The following ARHGAP23 variants were observed in gnomAD, a reference collection of about 807,000 sequenced individuals.
ARHGAP23 encodes Rho GTPase activating protein 23.
ARHGAP23 carries 34 observed loss-of-function variants against 136.3 expected under a neutral mutation model. The ratio of observed to expected loss-of-function variants is 0.25; its 90% CI spans 0.19 to 0.33. ARHGAP23 has a LOEUF of 0.33. Among genes scored for constraint, ARHGAP23 ranks in the 10% least tolerant of loss-of-function variants. The pLI, the probability that ARHGAP23 is intolerant of heterozygous loss-of-function variation, is 1.00. For synonymous variants in ARHGAP23, 832 were observed against 920.5 expected, an observed-to-expected ratio of 0.90 and a Z score of 1.74; for missense variants, 1,808 against 2,139.0, an observed-to-expected ratio of 0.85 and a Z score of 3.05.
In ARHGAP23 at chr17:38,436,106, G is replaced by A. The variant is rs896130896; in HGVS notation, c.63+7558G>A. ...TGCCCCTCCCACACAGCACCTAGAC[G>A]TTTCAAGGAAGGCGAGGGGGACAGC... On this transcript the variant is annotated intron_variant, in intron 1 of 23. Transcript: ENST00000622683. Among the ~76,000 whole-genome samples the A allele has an allele frequency of 3.3e-5, 5 of 152,246 alleles. No individual in the cohort carries two copies. In the South Asian group the frequency reaches 6.2e-4, roughly 19 times the overall value.
intron 1 of ARHGAP23, among the ~76,000 whole-genome samples, chr17:38,438,784 G>A (rs1282700872): frequency 6.6e-6 from 1 of 152,058 alleles, no homozygotes; most frequent in Non-Finnish European, 1.5e-5. Context: ...GGGAGTTTGA[G>A]ACCAGCCTGA....
upstream of ARHGAP23, among the ~76,000 whole-genome samples, chr17:38,424,334 C>T (rs2038549092): frequency 6.6e-6 from 1 of 152,196 alleles, no homozygotes; most frequent in South Asian, 2.1e-4. Context: ...GCCTTGTCCA[C>T]ACCCACCTGT....
At chr17:38,479,307 C>G (rs150676496) in intron 12 of ARHGAP23, 129 bp from the exon 13 acceptor site, 14,110 of 666,552 alleles carry the variant, frequency 0.021, 215 homozygotes, top group Non-Finnish European at 0.03. Flanking sequence ...CAGGCCTGGT[C>G]TTTCTCACTC....
exon 1 of ARHGAP23, chr17:38,419,387 C>G (rs2144451012): frequency 6.6e-6 from 1 of 152,310 alleles, no homozygotes; most frequent in East Asian, 1.9e-4. Flanking sequence ...TAGCAGGGCC[C>G]AGCATGGAGC....
chr17:38,482,827 G>A (rs2040077791), intron 16 of ARHGAP23, 149 bp downstream of exon 16: 1 of 1,041,392 alleles, frequency 9.6e-7, no homozygotes, highest in African/African-American at 1.6e-5. Context: ...TGGGCAAGAT[G>A]GGACCTGCCC....
At chr17:38,493,175 TTCTC>T (rs1001610282) in intron 20 of ARHGAP23, among the ~76,000 whole-genome samples, 4 of 151,252 alleles carry the variant, frequency 2.6e-5, no homozygotes, top group East Asian at 3.9e-4. Flanking sequence ...TTCTTTCTCT[TTCTC>T]TCTCTCTCTT....
upstream of ARHGAP23, among the ~76,000 whole-genome samples, chr17:38,425,998 C>T (rs1358019550): frequency 6.6e-6 from 1 of 152,028 alleles, no homozygotes; most frequent in Non-Finnish European, 1.5e-5. Flanking sequence ...CTCACCCCCT[C>T]CTGCGGGGTC....
intron 1 of ARHGAP23, among the ~76,000 whole-genome samples, chr17:38,434,327 T>A (rs1456276639): frequency 6.6e-6 from 1 of 152,198 alleles, no homozygotes; most frequent in Non-Finnish European, 1.5e-5. Context: ...TTTGGGGGCG[T>A]CCGGGGGTCG....
chr17:38,445,465 C>T (rs961747610), intron 1 of ARHGAP23, among the ~76,000 whole-genome samples: 2 of 151,772 alleles, frequency 1.3e-5, no homozygotes, highest in Non-Finnish European at 2.9e-5. Flanking sequence ...GCCTGAGCAA[C>T]AAGAGCGAAA....
At chr17:38,447,518 C>T (rs1200819666) in intron 1 of ARHGAP23, among the ~76,000 whole-genome samples, 1 of 149,508 alleles carries the variant, frequency 6.7e-6, no homozygotes, top group Admixed American at 6.7e-5. Context: ...AGGGCAAATC[C>T]ATTCTGAAAA....
At chr17:38,481,986 C>T in intron 14 of ARHGAP23, 36 bp from the exon 15 acceptor site, 1 of 1,495,094 alleles carries the variant, frequency 6.7e-7, no homozygotes, top group Non-Finnish European at 8.9e-7. Context: ...CTCCTGGATA[C>T]CCCAGCTCAC....
chr17:38,476,667 A>G (rs374476525), intron 11 of ARHGAP23, among the ~76,000 whole-genome samples: 1 of 152,058 alleles, frequency 6.6e-6, no homozygotes, highest in South Asian at 2.1e-4. Context: ...CAGGGAGAGG[A>G]GAGGAGAGGA....
rs114785582 is a variant in ARHGAP23 at position 38,439,361 on chromosome 17, C to T, written c.63+10813C>T. ...CTCCCTCCACCACTCAAATATATGG[C>T]GACTTCCTCCTCTGTGCGCTAGACC... On this transcript the variant is annotated intron_variant, in intron 1 of 23. Coordinates refer to ENST00000622683, the MANE Select transcript of ARHGAP23 (RefSeq NM_001199417.2). Among the ~76,000 whole-genome samples, 9 of 152,262 alleles carry T rather than the reference C, an allele frequency of 5.9e-5. No individual in the cohort carries two copies. The East Asian group carries it at 1.3e-3, about 23-fold the overall frequency.
At chr17:38,481,310 C>G (rs1383643675) in intron 14 of ARHGAP23, among the ~76,000 whole-genome samples, 2 of 152,258 alleles carry the variant, frequency 1.3e-5, no homozygotes, top group East Asian at 3.9e-4. Context: ...CCACGCCTGG[C>G]TAATTTTTTT....
At chr17:38,495,991 G>A (rs1481236325) in intron 20 of ARHGAP23, among the ~76,000 whole-genome samples, 2 of 152,014 alleles carry the variant, frequency 1.3e-5, no homozygotes, top group Non-Finnish European at 2.9e-5. Flanking sequence ...TCTGCCTCCC[G>A]GGTTCAAGCA....
intron 1 of ARHGAP23, chr17:38,457,833 A>G (rs953213599): frequency 7.1e-6 from 4 of 563,444 alleles, no homozygotes; most frequent in Non-Finnish European, 1.3e-5. Context: ...AACTGAATGA[A>G]CTTGCTTCAG....
chr17:38,439,633 A>G (rs114026350), intron 1 of ARHGAP23, among the ~76,000 whole-genome samples: 1 of 152,228 alleles, frequency 6.6e-6, no homozygotes, highest in Non-Finnish European at 1.5e-5. Flanking sequence ...TCTGCACAAC[A>G]ATCCCATGGG....
chr17:38,479,810 C>G lies in ARHGAP23; in HGVS notation c.2556C>G (p.Gly852=). 2 of 1,530,042 alleles carry G rather than the reference C, an allele frequency of 1.3e-6. No individual in the cohort carries two copies. The highest frequency in any genetic ancestry group is 1.8e-6 in the Non-Finnish European group (2 of 1,136,174). 94.8% of individuals were successfully genotyped at this position (1,530,042 alleles called of 1,614,324 possible). ...CCAAAGGCTCTCGCGGCCTGGGGGG[C>G]CTCAAGTCTGAGTTCCTCAAGCAGA... The part of the protein sequence containing the change: ...SSPKGSRGLG[G]LKSEFLKQSA... The change falls in exon 14 of 24, where the codon GGC becomes GGG. Residue 852 remains glycine (G), a synonymous_variant. Transcript: ENST00000622683.
chr17:38,426,186 C>T (rs2038567781), upstream of ARHGAP23, among the ~76,000 whole-genome samples: 1 of 151,864 alleles, frequency 6.6e-6, no homozygotes, highest in Admixed American at 6.6e-5. Flanking sequence ...AAGCATTGGA[C>T]CACTGGAGCT....
Sources: allele counts gnomAD v4.1 joint callset (sites outside exome capture counted in the v4.1 genomes callset), GRCh38; gene constraint gnomAD v4.1.1; transcripts MANE v1.5; gene names NCBI Gene and HGNC (gene_info 2026-07-23, HGNC 2026-07-21).